Variants in DNAAF11 observed in about 807,000 individuals in gnomAD.
The protein encoded by DNAAF11 is leucine rich repeat containing 6.
Under a neutral mutation model 60.8 loss-of-function variants are expected in DNAAF11, and 45 were observed. The ratio of observed to expected loss-of-function variants is 0.74; its 90% CI spans 0.58 to 0.95. The LOEUF is 0.95. DNAAF11 is among the 40% of genes least tolerant of loss of function. The pLI, the probability that DNAAF11 is intolerant of heterozygous loss-of-function variation, is 0.00. For missense variants in DNAAF11, 546 were observed against 546.2 expected, an observed-to-expected ratio of 1.00 and a Z score of 0.00; for synonymous variants, 191 against 183.5, an observed-to-expected ratio of 1.04 and a Z score of -0.33.
At chr8:132,673,249 T>A (rs1021559959) in intron 1 of DNAAF11, among the ~76,000 whole-genome samples, 4 of 152,160 alleles carry the variant, frequency 2.6e-5, no homozygotes, top group African/African-American at 9.7e-5. Flanking sequence ...TGTGATTTAC[T>A]CTCTGTGCCT....
chr8:132,617,410 T>C (rs1369524638), intron 7 of DNAAF11, among the ~76,000 whole-genome samples: 2 of 152,204 alleles, frequency 1.3e-5, no homozygotes, highest in Admixed American at 1.3e-4. Flanking sequence ...ACTGAAGCAA[T>C]TGTGAATGGG....
chr8:132,578,440 C>T, intron 11 of DNAAF11: 1 of 1,520,838 alleles, frequency 6.6e-7, no homozygotes, highest in Non-Finnish European at 8.7e-7. Context: ...TCAGAGGCCT[C>T]TAGGACGGAC....
chr8:132,582,145 G>A (rs1237078142), intron 11 of DNAAF11, among the ~76,000 whole-genome samples: 1 of 152,176 alleles, frequency 6.6e-6, no homozygotes, highest in Non-Finnish European at 1.5e-5. Flanking sequence ...GCTTTAATGG[G>A]CAGCTGCTTG....
At chr8:132,584,729 G>A (rs1815703981) in intron 10 of DNAAF11, among the ~76,000 whole-genome samples, 2 of 152,080 alleles carry the variant, frequency 1.3e-5, no homozygotes, top group African/African-American at 4.8e-5. Context: ...CTTATGGGCA[G>A]GGTCATTATC....
chr8:132,690,508 C>A, the DNAAF11 span, among the ~76,000 whole-genome samples: 1 of 152,104 alleles, frequency 6.6e-6, no homozygotes, highest in Admixed American at 6.5e-5. Context: ...CAGGAAGTAT[C>A]TTTATAGCAG....
chr8:132,632,990 C>T lies in DNAAF11; in HGVS notation c.430-27G>A, dbSNP rs141213478. 4.3e-5 allele frequency: 65 copies of T among 1,516,108 alleles called. 1 individual carries two copies. In the African/African-American group the frequency reaches 5.1e-4, roughly 12 times the overall value. The allele number at this position is 1,516,108 out of a possible 1,614,324, so 93.9% of individuals were successfully genotyped here. On this transcript the variant is annotated intron_variant, in intron 4 of 11. Coordinates refer to ENST00000620350, the MANE Select transcript of DNAAF11 (RefSeq NM_012472.6). Reference sequence around the variant, plus strand: ...TTAAAGAAAAACAATAAATATAGTACAATTGTTCAAAAGTAGCAGTGTGAA... The same window carrying T: ...TTAAAGAAAAACAATAAATATAGTATAATTGTTCAAAAGTAGCAGTGTGAA...
chr8:132,656,383 A>C (rs942221145), intron 3 of DNAAF11, among the ~76,000 whole-genome samples: 1 of 152,222 alleles, frequency 6.6e-6, no homozygotes, highest in Non-Finnish European at 1.5e-5. Context: ...TTATTGCTTG[A>C]ATTTTTATAA....
chr8:132,614,883 T>TA (rs1249940631), intron 8 of DNAAF11, among the ~76,000 whole-genome samples, 155 bp downstream of exon 8: 1 of 152,224 alleles, frequency 6.6e-6, no homozygotes, highest in Admixed American at 6.5e-5. Context: ...TTCATGCTTT[T>TA]AAAAATTATA....
intron 1 of DNAAF11, among the ~76,000 whole-genome samples, chr8:132,673,503 T>A (rs889702724): frequency 6.6e-6 from 1 of 152,216 alleles, no homozygotes; most frequent in Admixed American, 6.5e-5. Flanking sequence ...GTGGCTCTTT[T>A]GATAAATTTC....
upstream of DNAAF11, among the ~76,000 whole-genome samples, chr8:132,677,109 C>CCACTGACACGCTGA (rs1368432294): frequency 3.3e-5 from 5 of 152,184 alleles, no homozygotes; most frequent in Non-Finnish European, 7.3e-5. Context: ...TGTGGTCGTG[C>CCACTGACACGCTGA]CACTGACACG....
intron 1 of DNAAF11, among the ~76,000 whole-genome samples, chr8:132,663,056 A>C (rs910381471): frequency 6.6e-6 from 1 of 152,172 alleles, no homozygotes; most frequent in African/African-American, 2.4e-5. Context: ...AATACCATAC[A>C]TGGGGAAAGT....
At chr8:132,574,079 G>A (rs1036210782) in intron 11 of DNAAF11, among the ~76,000 whole-genome samples, 1 of 152,188 alleles carries the variant, frequency 6.6e-6, no homozygotes, top group African/African-American at 2.4e-5. Flanking sequence ...GTCATATCCT[G>A]AGCACACCTT....
At chr8:132,622,033 T>G (rs1156386475) in intron 7 of DNAAF11, among the ~76,000 whole-genome samples, 1 of 152,210 alleles carries the variant, frequency 6.6e-6, no homozygotes, top group Non-Finnish European at 1.5e-5. Context: ...TGGTCTGTAT[T>G]TTAGCTACAA....
chr8:132,641,890 T>C (rs1010241053), intron 3 of DNAAF11, among the ~76,000 whole-genome samples: 1 of 152,076 alleles, frequency 6.6e-6, no homozygotes, highest in African/African-American at 2.4e-5. Flanking sequence ...ATGAAAACGA[T>C]CACAGCATGG....
chr8:132,636,632 A>C (rs1821324861), intron 4 of DNAAF11, among the ~76,000 whole-genome samples: 1 of 152,156 alleles, frequency 6.6e-6, no homozygotes, highest in African/African-American at 2.4e-5. Flanking sequence ...TGCGGTGGCC[A>C]TGAGGACTCC....
chr8:132,607,426 C>T (rs1346619834), intron 10 of DNAAF11, among the ~76,000 whole-genome samples: 1 of 152,122 alleles, frequency 6.6e-6, no homozygotes, highest in Non-Finnish European at 1.5e-5. Flanking sequence ...AGTGAAACCT[C>T]TTGGAACAAG....
intron 11 of DNAAF11, among the ~76,000 whole-genome samples, chr8:132,581,834 G>C (rs1056965714): frequency 6.6e-6 from 1 of 152,132 alleles, no homozygotes; most frequent in Non-Finnish European, 1.5e-5. Flanking sequence ...ATGAAAGACA[G>C]ACAACACATA....
the DNAAF11 span, among the ~76,000 whole-genome samples, chr8:132,696,240 T>C: frequency 2.0e-5 from 3 of 152,144 alleles, no homozygotes; most frequent in Admixed American, 2.0e-4. Flanking sequence ...ACCACAATAA[T>C]ATACTACTTC....
the DNAAF11 span, among the ~76,000 whole-genome samples, chr8:132,696,714 A>G: frequency 6.6e-6 from 1 of 152,356 alleles, no homozygotes; most frequent in African/African-American, 2.4e-5. Context: ...CAGCCATAAA[A>G]AAGAATGAGA....
Sources: gnomAD v4.1 joint callset for allele counts (sites outside exome capture counted in the v4.1 genomes callset) on GRCh38, gnomAD v4.1.1 for gene constraint, MANE v1.5 for transcripts, NCBI Gene and HGNC (gene_info 2026-07-23, HGNC 2026-07-21) for gene names.